The following TFEC variants were observed in gnomAD, a reference collection of about 807,000 sequenced individuals.
TFEC encodes the protein class E basic helix-loop-helix protein 34.
Under a neutral mutation model 41.6 loss-of-function variants are expected in TFEC, and 31 were observed. The observed-to-expected ratio is 0.74, with a 90% CI of 0.56 to 1.01. The LOEUF (loss-of-function observed/expected upper bound fraction) is 1.01, where lower values mean the gene tolerates loss of function less well. TFEC is among the 50% of genes least tolerant of loss of function. TFEC has a pLI of 0.00. For synonymous variants in TFEC, 143 were observed against 140.6 expected (o/e 1.02, Z -0.12); for missense variants, 402 against 404.1 (o/e 0.99, Z 0.04).
In TFEC at chr7:116,133,012, GT is replaced by G. The variant is rs1200931087; in HGVS notation, c.-68-20975del. Among the ~76,000 whole-genome samples the G allele has an allele frequency of 3.9e-5, 6 of 152,214 alleles. No homozygotes were observed. In the East Asian group the frequency reaches 1.2e-3, roughly 29 times the overall value. ...AATTTTTAAGCTTTTCTTCAAAACA[GT>G]TTTAAGACTACTTTAGAAAATAAAT... On this transcript the variant is annotated intron_variant, in intron 1 of 8. Coordinates refer to the TFEC transcript ENST00000484212.
At chr7:116,135,632 T>C (rs1341630381) in intron 1 of TFEC, among the ~76,000 whole-genome samples, 2 of 152,166 alleles carry the variant, frequency 1.3e-5, no homozygotes, top group African/African-American at 4.8e-5. Flanking sequence ...CAGCTCAGCA[T>C]GCACTTCTAC....
chr7:115,983,510 T>C (rs1271513123), intron 2 of TFEC, among the ~76,000 whole-genome samples: 1 of 152,136 alleles, frequency 6.6e-6, no homozygotes, highest in Non-Finnish European at 1.5e-5. Context: ...ACCATAGCTT[T>C]ATCAACAAAT....
At chr7:116,024,637 C>T (rs1795521070) in intron 1 of TFEC, among the ~76,000 whole-genome samples, 1 of 152,126 alleles carries the variant, frequency 6.6e-6, no homozygotes. Context: ...GAGAATATTT[C>T]ATAAAATATA....
chr7:116,159,154 AAGTC>A (rs1278340581), intron 1 of TFEC, among the ~76,000 whole-genome samples: 5 of 152,054 alleles, frequency 3.3e-5, no homozygotes, highest in African/African-American at 1.2e-4. Context: ...AAGAAATAAT[AAGTC>A]ACAAGTGTAT....
At chr7:115,964,606 GC>G (rs1792747814) in intron 3 of TFEC, among the ~76,000 whole-genome samples, 1 of 151,420 alleles carries the variant, frequency 6.6e-6, no homozygotes, top group Non-Finnish European at 1.5e-5. Context: ...TCAGAAAAAA[GC>G]ATTTGATAAA....
chr7:116,148,925 A>C (rs552352727), intron 1 of TFEC, among the ~76,000 whole-genome samples: 58 of 152,190 alleles, frequency 3.8e-4, no homozygotes, highest in African/African-American at 1.3e-3. Context: ...TGGCCCAAAG[A>C]CTAATCTCTG....
chr7:116,036,805 T>G (rs1265960674), intron 3 of TFEC, among the ~76,000 whole-genome samples: 1 of 151,950 alleles, frequency 6.6e-6, no homozygotes, highest in East Asian at 1.9e-4. Flanking sequence ...AAACAAAAAC[T>G]GGTATCAGGA....
intron 3 of TFEC, among the ~76,000 whole-genome samples, chr7:116,055,976 T>C (rs1295866515): frequency 6.6e-6 from 1 of 152,034 alleles, no homozygotes; most frequent in Non-Finnish European, 1.5e-5. Context: ...CTTGATAACA[T>C]ATTATTGAAA....
At chr7:115,985,578 T>C (rs1481324690) in intron 1 of TFEC, among the ~76,000 whole-genome samples, 1 of 152,120 alleles carries the variant, frequency 6.6e-6, no homozygotes, top group Non-Finnish European at 1.5e-5. Flanking sequence ...CCCAGATAAA[T>C]AGCCTCTACA....
intron 3 of TFEC, among the ~76,000 whole-genome samples, chr7:116,100,563 G>C (rs1314098674): frequency 6.6e-6 from 1 of 150,810 alleles, no homozygotes; most frequent in Non-Finnish European, 1.5e-5. Flanking sequence ...CATAGGTGTA[G>C]AGCGAACAAG....
At chr7:115,972,340 C>T (rs775488506) in intron 3 of TFEC, among the ~76,000 whole-genome samples, 1 of 152,056 alleles carries the variant, frequency 6.6e-6, no homozygotes, top group Non-Finnish European at 1.5e-5. Context: ...TTAAAACAGC[C>T]TTCAGAGACC....
rs927423674 is a variant in TFEC, at chr7:116,012,685, C to A, written c.-73+17948G>T. The stretch of plus-strand genomic sequence containing the variant: ...TTTATTGTTGTATTATATCCTAATG[C>A]TGGATATGGAATATCAATGTATTCT... On this transcript the variant is annotated intron_variant, in intron 1 of 7. Coordinates refer to ENST00000265440, the MANE Select transcript of TFEC (RefSeq NM_012252.4). Among the ~76,000 whole-genome samples the A allele has an allele frequency of 8.6e-5, 13 of 151,908 alleles. No homozygotes were observed. The East Asian group carries it at 2.5e-3, about 29-fold the overall frequency.
At chr7:116,102,221 C>G (rs1466232404) in intron 3 of TFEC, among the ~76,000 whole-genome samples, 1 of 152,154 alleles carries the variant, frequency 6.6e-6, no homozygotes, top group Non-Finnish European at 1.5e-5. Context: ...TTTATTTACT[C>G]TTCCCAGCAC....
chr7:116,013,261 T>G (rs972423174), intron 1 of TFEC, among the ~76,000 whole-genome samples: 1 of 152,184 alleles, frequency 6.6e-6, no homozygotes, highest in African/African-American at 2.4e-5. Context: ...TATTTTGGCA[T>G]CTACATCAAT....
chr7:116,142,463 G>C (rs868439677), intron 1 of TFEC, among the ~76,000 whole-genome samples: 1 of 152,082 alleles, frequency 6.6e-6, no homozygotes, highest in South Asian at 2.1e-4. Context: ...GACTCCCACC[G>C]CATTTGCAAC....
chr7:115,974,450 A>ATATATATATATATATAT (rs1491505885), intron 2 of TFEC, among the ~76,000 whole-genome samples, 194 bp from the exon 3 acceptor site: 14 of 28,064 alleles, frequency 5.0e-4, no homozygotes, highest in Non-Finnish European at 7.5e-4. Context: ...ATATATATAT[A>ATATATATATATATATAT]AAAACACAGA....
chr7:116,055,578 T>C (rs1028982885), intron 3 of TFEC, among the ~76,000 whole-genome samples: 2 of 152,038 alleles, frequency 1.3e-5, no homozygotes, highest in African/African-American at 4.8e-5. Context: ...ACATGGATTA[T>C]ATATTACAAA....
intron 3 of TFEC, among the ~76,000 whole-genome samples, chr7:116,060,798 C>G (rs1796536889): frequency 6.6e-6 from 1 of 152,094 alleles, no homozygotes; most frequent in African/African-American, 2.4e-5. Context: ...ACCTGCACAA[C>G]AAACCCCTGT....
chr7:116,159,532 G>A (rs893929427), intron 1 of TFEC, among the ~76,000 whole-genome samples: 1 of 152,038 alleles, frequency 6.6e-6, no homozygotes, highest in African/African-American at 2.4e-5. Flanking sequence ...TCACAAAGCA[G>A]TTATCCAATT....
Sources: allele counts gnomAD v4.1 joint callset (sites outside exome capture counted in the v4.1 genomes callset), GRCh38; gene constraint gnomAD v4.1.1; transcripts MANE v1.5; gene names NCBI Gene and HGNC (gene_info 2026-07-23, HGNC 2026-07-21).